The following KCNK3 variants were observed in gnomAD, a reference collection of about 807,000 sequenced individuals.
KCNK3 encodes the protein potassium channel subfamily K member 3.
In KCNK3, 9 loss-of-function variants were observed where a neutral mutation model predicts 27.3. That is an observed-to-expected ratio of 0.33 (90% CI 0.20 to 0.57). KCNK3 has a LOEUF of 0.57. Among genes scored for constraint, KCNK3 ranks in the 20% least tolerant of loss-of-function variants. KCNK3 has a pLI of 0.87. For missense variants in KCNK3, 391 were observed against 577.7 expected (o/e 0.68, Z 3.31); for synonymous variants, 278 against 273.8 (o/e 1.02, Z -0.15).
At chr2:26,702,371 C>G (rs929278270) in intron 1 of KCNK3, among the ~76,000 whole-genome samples, 11 of 152,162 alleles carry the variant, frequency 7.2e-5, no homozygotes, top group African/African-American at 2.7e-4. Context: ...ACCTGGGGGA[C>G]TGTCAGAGGA....
Position 26,710,378 on chromosome 2 carries a change from G to A in KCNK3, c.283+17220G>A, listed in dbSNP as rs570200145. Among the ~76,000 whole-genome samples, 24 of 152,264 alleles carry A rather than the reference G, an allele frequency of 1.6e-4. No individual in the cohort carries two copies. The East Asian group carries it at 2.3e-3, about 15-fold the overall frequency. Reference sequence around the variant, plus strand: ...ATCCTGATGGGTCAAGAAGGGCCTCGGTGCTTCTCGAGAAGGGTGCAGATG... The same window carrying A: ...ATCCTGATGGGTCAAGAAGGGCCTCAGTGCTTCTCGAGAAGGGTGCAGATG... On this transcript the variant is annotated intron_variant, in intron 1 of 1. Transcript: ENST00000302909.
At chr2:26,700,120 A>G (rs1198436780) in intron 1 of KCNK3, among the ~76,000 whole-genome samples, 3 of 152,216 alleles carry the variant, frequency 2.0e-5, no homozygotes, top group Non-Finnish European at 4.4e-5. Flanking sequence ...TTTTAGCTCC[A>G]ATCCTCTCAG....
chr2:26,708,155 G>C (rs1426153194), intron 1 of KCNK3, among the ~76,000 whole-genome samples: 1 of 152,204 alleles, frequency 6.6e-6, no homozygotes, highest in Non-Finnish European at 1.5e-5. Flanking sequence ...CAGGGGATGA[G>C]AGTGAGAGGG....
At chr2:26,727,644 T>C in intron 1 of KCNK3, 23 bp from the exon 2 acceptor site, 1 of 1,511,408 alleles carries the variant, frequency 6.6e-7, no homozygotes, top group Non-Finnish European at 8.8e-7. Flanking sequence ...GTGCTTTTTC[T>C]CCTCTTTCCC....
chr2:26,711,698 G>A (rs1009696875), intron 1 of KCNK3, among the ~76,000 whole-genome samples: 2 of 152,202 alleles, frequency 1.3e-5, no homozygotes, highest in Admixed American at 6.5e-5. Context: ...ATTACACAAC[G>A]TACATATATT....
chr2:26,720,147 C>T (rs938228594), intron 1 of KCNK3, among the ~76,000 whole-genome samples: 1 of 152,020 alleles, frequency 6.6e-6, no homozygotes, highest in Non-Finnish European at 1.5e-5. Context: ...CACAGCTACT[C>T]GGGAGGCTGA....
chr2:26,696,566 T>A (rs1388590472), intron 1 of KCNK3, among the ~76,000 whole-genome samples: 2 of 152,216 alleles, frequency 1.3e-5, no homozygotes. Context: ...CCGTCTCCAC[T>A]GGCTGGAAGG....
chr2:26,703,670 A>T (rs548952397), intron 1 of KCNK3, among the ~76,000 whole-genome samples: 1 of 152,332 alleles, frequency 6.6e-6, no homozygotes, highest in African/African-American at 2.4e-5. Flanking sequence ...TGAGGCATCA[A>T]GAGAATGAAA....
chr2:26,698,525 C>T (rs1033278272), intron 1 of KCNK3, among the ~76,000 whole-genome samples: 2 of 152,230 alleles, frequency 1.3e-5, no homozygotes, highest in African/African-American at 2.4e-5. Context: ...ACAGAGAAGG[C>T]ACTTAATAAT....
intron 1 of KCNK3, among the ~76,000 whole-genome samples, chr2:26,716,074 T>A (rs924423137): frequency 1.3e-5 from 2 of 152,182 alleles, no homozygotes; most frequent in African/African-American, 4.8e-5. Flanking sequence ...TTGCCTGGGA[T>A]CACACAGCAG....
At chr2:26,727,108 C>T (rs952316026) in intron 1 of KCNK3, among the ~76,000 whole-genome samples, 2 of 152,192 alleles carry the variant, frequency 1.3e-5, no homozygotes, top group Admixed American at 1.3e-4. Flanking sequence ...GGGAATCCAC[C>T]AAGAAGCCAG....
At chr2:26,699,250 A>AAAGAAAGAAAGCAAGCAAGCAAGC (rs35378015) in intron 1 of KCNK3, among the ~76,000 whole-genome samples, 2 of 142,774 alleles carry the variant, frequency 1.4e-5, no homozygotes, top group African/African-American at 5.8e-5. Context: ...AGAAAGAAAG[A>AAAGAAAGAAAGCAAGCAAGCAAGC]AAGCCAGCCA....
intron 1 of KCNK3, among the ~76,000 whole-genome samples, chr2:26,698,041 A>G (rs1189384656): frequency 1.3e-5 from 2 of 152,162 alleles, no homozygotes; most frequent in East Asian, 3.8e-4. Flanking sequence ...GGGAGTTGAG[A>G]GTATGACCCT....
At position 26,693,248 on chromosome 2, in the gene KCNK3, G is replaced by A. The variant is rs980971980; in HGVS notation, c.283+90G>A. 6.9e-6 allele frequency: 8 copies of A among 1,165,724 alleles called. No individual in the cohort carries two copies. In the African/African-American group the frequency reaches 9.9e-5, roughly 14 times the overall value. The allele number at this position is 1,165,724 out of a possible 1,614,324, so 72.2% of individuals were successfully genotyped here. A position where few individuals can be genotyped will look rare whatever the true frequency, so the allele number is the denominator to read the frequency against. ...GGGCCGGCTGGGGCTGGGGGCGGGG[G>A]CTCCCCCGAGAGGGGCTGGGCGCCG... On this transcript the variant is annotated intron_variant, in intron 1 of 1. Transcript: ENST00000302909. This position sits in a 1 kb window ranked among gnomAD's most constrained non-coding sequence, Gnocchi z 5.5.
chr2:26,712,426 T>G (rs1048655127), intron 1 of KCNK3, among the ~76,000 whole-genome samples: 1 of 152,180 alleles, frequency 6.6e-6, no homozygotes, highest in African/African-American at 2.4e-5. Flanking sequence ...TAGAAGAGTC[T>G]GTGTCCCCTT....
chr2:26,712,744 T>C (rs928016269), intron 1 of KCNK3, among the ~76,000 whole-genome samples: 1 of 151,912 alleles, frequency 6.6e-6, no homozygotes, highest in Non-Finnish European at 1.5e-5. Flanking sequence ...GGACCTCATG[T>C]CTGCAGGCTG....
chr2:26,707,997 A>G (rs527411280), intron 1 of KCNK3, among the ~76,000 whole-genome samples: 2 of 152,284 alleles, frequency 1.3e-5, no homozygotes, highest in South Asian at 2.1e-4. Context: ...GCCCCATTCT[A>G]GGCCCCAGGG....
rs2891519 is a variant in KCNK3 at position 26,732,123 on chromosome 2, G to A, written c.*3555G>A. On this transcript the variant is annotated 3_prime_UTR_variant, in exon 2 of 2. Coordinates refer to ENST00000302909, the MANE Select transcript of KCNK3 (RefSeq NM_002246.3). ...CCTCAGAACCTACGACAGACCGTGA[G>A]AGCAGACCCACCTTATCCATCTGGT... is the stretch of plus-strand genomic sequence containing the variant. The A allele has an allele frequency of 0.21, 31,202 of 152,104 alleles. 3,390 individuals are homozygous for A. Among genetic ancestry groups the A allele is most frequent in the East Asian group, 0.26 (1,331 of 5,180 alleles). 9.4% of individuals were successfully genotyped at this position (152,104 alleles called of 1,614,324 possible). A position where few individuals can be genotyped will look rare whatever the true frequency, so the allele number is the denominator to read the frequency against.
At position 26,728,243 on chromosome 2, in the gene KCNK3, C is replaced by A. The variant is rs769847307; in HGVS notation, c.860C>A (p.Ser287Tyr). ...GCGCACACTACGGACACCGCCTCAT[C>A]CACGGCGGCAGCGGGCGGCGGCGGC... is the stretch of plus-strand genomic sequence containing the variant. ...GSAHTTDTASSTAAAGGGGFR... is the reference protein window; with the variant it reads ...GSAHTTDTASYTAAAGGGGFR... Residue 287 changes from serine to tyrosine, a missense_variant, in exon 2 of 2, where the codon TCC (serine) becomes TAC (tyrosine). Coordinates refer to ENST00000302909, the MANE Select transcript of KCNK3 (RefSeq NM_002246.3). The A allele has an allele frequency of 2.5e-6, 4 of 1,577,362 alleles. No homozygotes were observed. The highest frequency in any genetic ancestry group is 1.7e-6 in the Non-Finnish European group (2 of 1,161,640).
Sources: gnomAD v4.1 joint callset for allele counts (sites outside exome capture counted in the v4.1 genomes callset) on GRCh38, gnomAD v4.1.1 for gene constraint, Gnocchi (gnomAD v3.1) non-coding constraint, MANE v1.5 for transcripts, NCBI Gene and HGNC (gene_info 2026-07-23, HGNC 2026-07-21) for gene names.